Variants in ZMYM2 observed in about 807,000 individuals in gnomAD.
ZMYM2 encodes zinc finger MYM-type protein 2.
In ZMYM2, 56 loss-of-function variants were observed where a neutral mutation model predicts 162.8. That is an observed-to-expected ratio of 0.34 (90% confidence interval 0.28 to 0.43). ZMYM2 has a LOEUF of 0.43. Ranked by LOEUF, ZMYM2 falls within the 20% of genes least tolerant of loss-of-function variation. The pLI is 1.00. For missense variants in ZMYM2, 1,275 were observed against 1,621.8 expected (o/e 0.79, Z 3.67); for synonymous variants, 510 against 541.6 (o/e 0.94, Z 0.81).
the ZMYM2 span, among the ~76,000 whole-genome samples, chr13:19,931,418 G>A: frequency 2.8e-4 from 42 of 152,072 alleles, 1 homozygote; most frequent in East Asian, 7.7e-3. Context: ...AATAATAATA[G>A]CTTAATTATT....
At chr13:20,006,643 T>A in intron 6 of ZMYM2, 57 bp downstream of exon 6, 1 of 1,495,438 alleles carries the variant, frequency 6.7e-7, no homozygotes, top group Non-Finnish European at 9.2e-7. Flanking sequence ...GAAAGTGTTG[T>A]AATACTTTTA....
the ZMYM2 span, among the ~76,000 whole-genome samples, chr13:19,899,816 C>CAAAAAAAAAAAAAAA: frequency 9.2e-5 from 6 of 64,992 alleles, no homozygotes; most frequent in Non-Finnish European, 1.3e-4. Flanking sequence ...GACTCTGACT[C>CAAAAAAAAAAAAAAA]AAAAAAAAAA....
chr13:19,891,133 TA>T, the ZMYM2 span, among the ~76,000 whole-genome samples: 1 of 151,684 alleles, frequency 6.6e-6, no homozygotes, highest in South Asian at 2.1e-4. Flanking sequence ...CATAAGGAGG[TA>T]ATTAAGGTTA....
the ZMYM2 span, among the ~76,000 whole-genome samples, chr13:19,922,502 A>G: frequency 6.6e-6 from 1 of 152,304 alleles, no homozygotes; most frequent in African/African-American, 2.4e-5. Flanking sequence ...CATTCCTCAG[A>G]TAAGAGCTCT....
At position 20,055,506 on chromosome 13, in the gene ZMYM2, A is replaced by G. The variant is rs534012193; in HGVS notation, c.2494-3069A>G. Among the ~76,000 whole-genome samples, 3 of 152,246 alleles carry G rather than the reference A, an allele frequency of 2.0e-5. No homozygotes were observed. The South Asian group carries it at 6.2e-4, about 32-fold the overall frequency. ...TTTCTGTTGATGATTTTTGTTGTTT[A>G]GAAGGGCCAGCAAGTGTGGTGTTGA... On this transcript the variant is annotated intron_variant, in intron 14 of 24. Transcript: ENST00000610343.
At chr13:20,074,988 A>AT (rs1957385516) in intron 21 of ZMYM2, among the ~76,000 whole-genome samples, 1 of 152,178 alleles carries the variant, frequency 6.6e-6, no homozygotes, top group African/African-American at 2.4e-5. Flanking sequence ...TGGAATATCT[A>AT]TTTTTATTAT....
At chr13:20,061,367 A>AATGATACG in intron 17 of ZMYM2, 143 bp downstream of exon 17, 1 of 715,362 alleles carries the variant, frequency 1.4e-6, no homozygotes, top group Non-Finnish European at 2.0e-6. Flanking sequence ...TGTTTTTTAT[A>AATGATACG]TTAAGAGATC....
chr13:19,887,702 A>G, the ZMYM2 span, among the ~76,000 whole-genome samples: 1 of 151,930 alleles, frequency 6.6e-6, no homozygotes, highest in Non-Finnish European at 1.5e-5. Flanking sequence ...ATTGAAATGA[A>G]GAGATTATTT....
chr13:19,923,663 CTTTTTTTTT>C, the ZMYM2 span, among the ~76,000 whole-genome samples: 4 of 72,034 alleles, frequency 5.6e-5, no homozygotes, highest in Non-Finnish European at 7.6e-5. Flanking sequence ...CCTGTAGGGA[CTTTTTTTTT>C]TTTTTTTTTT....
chr13:19,902,538 C>T, the ZMYM2 span, among the ~76,000 whole-genome samples: 2 of 151,924 alleles, frequency 1.3e-5, no homozygotes, highest in Non-Finnish European at 2.9e-5. Flanking sequence ...ATTGCTTGAA[C>T]CCGGGAGGCA....
chr13:19,878,061 T>TG, the ZMYM2 span, among the ~76,000 whole-genome samples: 1 of 151,606 alleles, frequency 6.6e-6, no homozygotes, highest in African/African-American at 2.4e-5. Flanking sequence ...GATTACTTTT[T>TG]TTTTTTTTTG....
At chr13:19,985,716 A>G (rs1019641758) in intron 2 of ZMYM2, among the ~76,000 whole-genome samples, 2 of 151,750 alleles carry the variant, frequency 1.3e-5, no homozygotes, top group African/African-American at 4.8e-5. Flanking sequence ...AGGAAAAAAA[A>G]AAAGAAAAAT....
At chr13:19,874,116 A>G in the ZMYM2 span, among the ~76,000 whole-genome samples, 2 of 152,212 alleles carry the variant, frequency 1.3e-5, no homozygotes, top group Non-Finnish European at 2.9e-5. Flanking sequence ...CTCCCACTCC[A>G]GGAGCTGGAT....
At chr13:20,066,210 CAG>C (rs1163331818) in intron 19 of ZMYM2, among the ~76,000 whole-genome samples, 2 of 152,162 alleles carry the variant, frequency 1.3e-5, no homozygotes, top group Non-Finnish European at 2.9e-5. Context: ...ATTTTTATGA[CAG>C]ATTAAACAGA....
the ZMYM2 span, among the ~76,000 whole-genome samples, chr13:19,917,931 C>T: frequency 1.3e-5 from 2 of 151,912 alleles, no homozygotes; most frequent in African/African-American, 4.8e-5. Flanking sequence ...TGGTGGCTTG[C>T]CTGTAGTCCC....
the ZMYM2 span, among the ~76,000 whole-genome samples, chr13:19,885,979 A>ATATACACATATATGTGTGTATATATATG: frequency 2.9e-5 from 1 of 34,058 alleles, no homozygotes; most frequent in Non-Finnish European, 6.3e-5. Context: ...ACACATATAT[A>ATATACACATATATGTGTGTATATATATG]TGTATATACA....
intron 6 of ZMYM2, among the ~76,000 whole-genome samples, chr13:20,018,573 T>G (rs1951809726): frequency 6.6e-6 from 1 of 152,252 alleles, no homozygotes; most frequent in African/African-American, 2.4e-5. Flanking sequence ...ACTTAGTTTC[T>G]GAAGTGTATT....
chr13:19,969,091 C>T (rs533904941), intron 2 of ZMYM2, among the ~76,000 whole-genome samples: 19 of 152,206 alleles, frequency 1.2e-4, no homozygotes, highest in Non-Finnish European at 2.5e-4. Flanking sequence ...AATTCCATTC[C>T]CCTTGAGACC....
chr13:20,031,684 C>G (rs1341941174), intron 10 of ZMYM2, among the ~76,000 whole-genome samples: 1 of 151,876 alleles, frequency 6.6e-6, no homozygotes, highest in East Asian at 1.9e-4. Context: ...TAATAGTGTA[C>G]AGAATGTCAC....
Sources: allele counts gnomAD v4.1 joint callset (sites outside exome capture counted in the v4.1 genomes callset), GRCh38; gene constraint gnomAD v4.1.1; transcripts MANE v1.5; gene names NCBI Gene and HGNC (gene_info 2026-07-23, HGNC 2026-07-21).